Variants in PRKN observed in about 807,000 individuals in gnomAD.
The protein encoded by PRKN is parkin RBR E3 ubiquitin protein ligase.
In PRKN, 56 loss-of-function variants were observed where a neutral mutation model predicts 59.5. The observed-to-expected ratio is 0.94, with a 90% CI of 0.76 to 1.18. The LOEUF is 1.18. PRKN is among the 50% of genes most tolerant of loss of function. PRKN has a pLI of 0.00. For missense variants in PRKN, 657 were observed against 596.4 expected, an observed-to-expected ratio of 1.10 and a Z score of -1.06; for synonymous variants, 250 against 222.1, an observed-to-expected ratio of 1.13 and a Z score of -1.12.
intron 6 of PRKN, among the ~76,000 whole-genome samples, chr6:161,807,398 G>A (rs1791379181): frequency 6.6e-6 from 1 of 151,904 alleles, no homozygotes; most frequent in African/African-American, 2.4e-5. Flanking sequence ...GACACACACA[G>A]GTGCATACAC....
chr6:162,484,687 G>A (rs868477127), intron 1 of PRKN, among the ~76,000 whole-genome samples: 9 of 152,140 alleles, frequency 5.9e-5, no homozygotes, highest in African/African-American at 1.9e-4. Context: ...TTTAATTTGC[G>A]GTTCTTCAGC....
chr6:161,454,296 T>C lies in PRKN; in HGVS notation c.1084-67419A>G, dbSNP rs1348804958. ...ACTTTCCATGTTATCCTAGGTCCTG[T>C]GAAAGAAAGACCTCAGGCTCACGTT... On this transcript the variant is annotated intron_variant, in intron 9 of 11. Transcript: ENST00000366898. This position sits in a 1 kb window ranked among gnomAD's most constrained non-coding sequence, Gnocchi z 4.6. 6.6e-6 allele frequency among the ~76,000 whole-genome samples: 1 copy of C among 152,132 alleles called. No homozygotes were observed. Among genetic ancestry groups the C allele is most frequent in the African/African-American group, 2.4e-5 (1 of 41,414 alleles).
chr6:161,760,607 C>A (rs982822767), intron 7 of PRKN, among the ~76,000 whole-genome samples: 2 of 151,988 alleles, frequency 1.3e-5, no homozygotes, highest in Non-Finnish European at 2.9e-5. Context: ...CTGTTTCCCC[C>A]TTTTCTTCCT....
intron 6 of PRKN, among the ~76,000 whole-genome samples, chr6:161,889,404 C>G (rs1001700222): frequency 4.6e-5 from 7 of 152,206 alleles, no homozygotes. Flanking sequence ...GCCAGCCACA[C>G]AACAGTCACC....
intron 1 of PRKN, among the ~76,000 whole-genome samples, chr6:162,568,126 A>T (rs1402463540): frequency 2.0e-5 from 3 of 152,224 alleles, no homozygotes; most frequent in Non-Finnish European, 2.9e-5. Flanking sequence ...AAATCGATTT[A>T]AAAATTAAAT....
At chr6:161,785,653 A>C (rs1790382373) in intron 7 of PRKN, 119 bp downstream of exon 7, 509 of 835,060 alleles carry the variant, frequency 6.1e-4, no homozygotes, top group East Asian at 7.0e-4. Flanking sequence ...ATATCCAGCA[A>C]TGATCAAATT....
intron 3 of PRKN, among the ~76,000 whole-genome samples, chr6:162,230,764 T>C (rs529611278): frequency 1.3e-5 from 2 of 152,300 alleles, no homozygotes; most frequent in Non-Finnish European, 2.9e-5. Context: ...ACTCTGTTAA[T>C]TGACTGCTCC....
intron 4 of PRKN, among the ~76,000 whole-genome samples, chr6:162,200,293 C>G (rs550799044): frequency 4.8e-4 from 73 of 152,170 alleles, no homozygotes; most frequent in Middle Eastern, 6.8e-3. Context: ...GCCACCGAGC[C>G]GGAACCTGAC....
chr6:161,979,446 G>T (rs1425130512), intron 5 of PRKN, among the ~76,000 whole-genome samples: 2 of 152,088 alleles, frequency 1.3e-5, no homozygotes, highest in East Asian at 3.9e-4. Flanking sequence ...CTAATTTTTT[G>T]TATTTTTAGT....
At position 162,338,496 on chromosome 6, in the gene PRKN, C is replaced by T. The variant is rs368317416; in HGVS notation, c.172-75731G>A. On this transcript the variant is annotated intron_variant, in intron 2 of 11. Coordinates refer to ENST00000366898, the MANE Select transcript of PRKN (RefSeq NM_004562.3). ...CTCCAGCCCCTAACCGCGAGTGATC[C>T]GCCAGCCTCGGCCTCCCGAGGTGCC... Among the ~76,000 whole-genome samples, 638 of 152,304 alleles carry T rather than the reference C, an allele frequency of 4.2e-3. 10 individuals are homozygous for T. The highest frequency in any genetic ancestry group is 0.032 in the Admixed American group (497 of 15,308).
intron 6 of PRKN, among the ~76,000 whole-genome samples, chr6:161,893,481 A>C (rs1013868033): frequency 6.3e-4 from 96 of 152,316 alleles, no homozygotes; most frequent in African/African-American, 2.2e-3. Flanking sequence ...CACTGGGCTC[A>C]AACCTTAAAC....
At chr6:161,820,930 TA>T in intron 6 of PRKN, among the ~76,000 whole-genome samples, 1 of 151,918 alleles carries the variant, frequency 6.6e-6, no homozygotes, top group East Asian at 1.9e-4. Flanking sequence ...CACTATGTAA[TA>T]AAATCAATAC....
chr6:161,585,463 G>A (rs1781488212), intron 7 of PRKN, among the ~76,000 whole-genome samples: 1 of 152,160 alleles, frequency 6.6e-6, no homozygotes. Flanking sequence ...AGATAGATAT[G>A]TCATACCAAA....
At chr6:162,243,117 A>G (rs969300418) in intron 3 of PRKN, among the ~76,000 whole-genome samples, 4 of 152,058 alleles carry the variant, frequency 2.6e-5, no homozygotes, top group African/African-American at 9.7e-5. Context: ...GGTCCTCCAC[A>G]TGGCAATGAC....
chr6:161,783,297 G>A (rs1430597122), intron 7 of PRKN, among the ~76,000 whole-genome samples: 1 of 151,824 alleles, frequency 6.6e-6, no homozygotes, highest in African/African-American at 2.4e-5. Context: ...AAGTCTCCTA[G>A]CTTATTCCAC....
intron 7 of PRKN, among the ~76,000 whole-genome samples, chr6:161,726,591 T>C (rs1307952699): frequency 6.6e-6 from 1 of 152,180 alleles, no homozygotes; most frequent in Non-Finnish European, 1.5e-5. Context: ...CATTTATGAG[T>C]AATTGATTTG....
intron 6 of PRKN, among the ~76,000 whole-genome samples, chr6:161,792,654 G>C (rs1790685051): frequency 6.6e-6 from 1 of 152,170 alleles, no homozygotes; most frequent in Non-Finnish European, 1.5e-5. Flanking sequence ...CTTGACCCTT[G>C]AAAATTCACA....
chr6:162,436,084 G>A (rs910418994), intron 2 of PRKN, among the ~76,000 whole-genome samples: 2 of 146,096 alleles, frequency 1.4e-5, no homozygotes, highest in Non-Finnish European at 3.0e-5. Context: ...GCTGAGGCAG[G>A]AGAATCACTT....
intron 10 of PRKN, among the ~76,000 whole-genome samples, chr6:161,381,862 C>G (rs142809721): frequency 7.2e-5 from 11 of 152,256 alleles, no homozygotes; most frequent in Non-Finnish European, 1.6e-4. Context: ...CCTGTAATCC[C>G]AGCACTTCGG....
Sources: allele counts gnomAD v4.1 joint callset (sites outside exome capture counted in the v4.1 genomes callset), GRCh38; gene constraint gnomAD v4.1.1; non-coding constraint Gnocchi (gnomAD v3.1); transcripts MANE v1.5; gene names NCBI Gene and HGNC (gene_info 2026-07-23, HGNC 2026-07-21).